Variants in DYNC2H1 observed in about 807,000 individuals in gnomAD.
DYNC2H1 encodes cytoplasmic dynein 2 heavy chain 1.
A neutral mutation model predicts 570.0 loss-of-function variants in DYNC2H1; 410 were observed. The ratio of observed to expected loss-of-function variants is 0.72; its 90% CI spans 0.66 to 0.78. The LOEUF is 0.78. DYNC2H1 is among the 30% of genes least tolerant of loss of function. The pLI, the probability that DYNC2H1 is intolerant of heterozygous loss-of-function variation, is 0.00. For missense variants in DYNC2H1, 4,865 were observed against 5,046.4 expected, an observed-to-expected ratio of 0.96 and a Z score of 1.09; for synonymous variants, 1,688 against 1,677.6, an observed-to-expected ratio of 1.01 and a Z score of -0.15.
At chr11:103,180,841 T>C (rs1420210882) in intron 39 of DYNC2H1, among the ~76,000 whole-genome samples, 1 of 151,582 alleles carries the variant, frequency 6.6e-6, no homozygotes, top group Non-Finnish European at 1.5e-5. Flanking sequence ...TCTAATGTTA[T>C]ATAATTATTA....
At chr11:103,122,720 G>T (rs1412477967) in intron 10 of DYNC2H1, 105 bp from the exon 11 acceptor site, 13 of 965,084 alleles carry the variant, frequency 1.3e-5, no homozygotes, top group Non-Finnish European at 1.8e-5. Flanking sequence ...ATAGATGAAA[G>T]GTAAAATAAT....
rs908493873 is a variant in DYNC2H1 at position 103,277,640 on chromosome 11, A to C, written c.10696-2708A>C. Among the ~76,000 whole-genome samples, 6 of 152,084 alleles carry C rather than the reference A, an allele frequency of 3.9e-5. No individual in the cohort carries two copies. Among genetic ancestry groups the C allele is most frequent in the African/African-American group, 1.4e-4 (6 of 41,408 alleles). On this transcript the variant is annotated intron_variant, in intron 70 of 88. Coordinates refer to ENST00000375735, the MANE Select transcript of DYNC2H1 (RefSeq NM_001377.3). The surrounding 1 kb of genome is among the most constrained non-coding windows in gnomAD (Gnocchi z 4.3). ...GGACCGTGAACCCATCTTCAGTGAT[A>C]CTTTATCTTTTGGAGTTCTTTGAGA...
At chr11:103,147,713 G>A in intron 18 of DYNC2H1, 59 bp from the exon 19 acceptor site, 1 of 977,528 alleles carries the variant, frequency 1.0e-6, no homozygotes, top group East Asian at 2.5e-5. Flanking sequence ...TATTATATGA[G>A]ACTCTTTTCC....
chr11:103,458,444 T>C (rs1162226876), intron 87 of DYNC2H1, among the ~76,000 whole-genome samples: 2 of 152,178 alleles, frequency 1.3e-5, no homozygotes, highest in Admixed American at 1.3e-4. Context: ...GATGTATGAC[T>C]GTATTCCAAA....
chr11:103,180,389 T>C (rs1861799635), intron 39 of DYNC2H1, among the ~76,000 whole-genome samples: 1 of 151,668 alleles, frequency 6.6e-6, no homozygotes. Context: ...TTTATACAAG[T>C]GGAATATAAG....
At chr11:103,158,380 C>CGGAGTTTGCAGT (rs1473060696) in intron 26 of DYNC2H1, among the ~76,000 whole-genome samples, 18 of 152,062 alleles carry the variant, frequency 1.2e-4, no homozygotes, top group African/African-American at 4.1e-4. Flanking sequence ...ACCCAGGAGG[C>CGGAGTTTGCAGT]GGAGTTTGCA....
Position 103,280,025 on chromosome 11 carries a change from A to G in DYNC2H1, c.10696-323A>G, listed in dbSNP as rs1866068113. On this transcript the variant is annotated intron_variant, in intron 70 of 88. Transcript: ENST00000375735. This position sits in a 1 kb window ranked among gnomAD's most constrained non-coding sequence, Gnocchi z 4.7. ...CTAATGCATGGAGTGGATTTGGTGG[A>G]TGATGACTAATCAAATTTCACAACT... Among the ~76,000 whole-genome samples the G allele has an allele frequency of 6.6e-6, 1 of 152,164 alleles. No individual in the cohort carries two copies. Among genetic ancestry groups the G allele is most frequent in the Admixed American group, 6.5e-5 (1 of 15,272 alleles).
intron 60 of DYNC2H1, among the ~76,000 whole-genome samples, 155 bp from the exon 61 acceptor site, chr11:103,233,853 TGTGTGTGTGTGTGTGTGTGTGTGTGG>T (rs1371438808): frequency 4.7e-5 from 5 of 106,446 alleles, no homozygotes; most frequent in Non-Finnish European, 4.2e-5. Context: ...TGTGTGTGTG[TGTGTGTGTGTGTGTGTGTGTGTGTGG>T]GTTTGTCTCT....
intron 82 of DYNC2H1, among the ~76,000 whole-genome samples, chr11:103,351,405 T>G (rs2135510290): frequency 6.6e-6 from 1 of 152,306 alleles, no homozygotes; most frequent in South Asian, 2.1e-4. Flanking sequence ...GGTGGGGAAG[T>G]AGATATCTCT....
chr11:103,156,056 G>A (rs986875219), intron 25 of DYNC2H1, among the ~76,000 whole-genome samples: 19 of 152,048 alleles, frequency 1.2e-4, no homozygotes, highest in African/African-American at 4.3e-4. Context: ...TGGCCTTTTG[G>A]TCTGTAAAAC....
chr11:103,147,699 A>T, intron 18 of DYNC2H1, 73 bp from the exon 19 acceptor site: 1 of 846,942 alleles, frequency 1.2e-6, no homozygotes, highest in East Asian at 2.6e-5. Flanking sequence ...TGAAATCATT[A>T]TAATATTATA....
At chr11:103,311,019 G>A (rs909520071) in intron 78 of DYNC2H1, among the ~76,000 whole-genome samples, 1 of 151,836 alleles carries the variant, frequency 6.6e-6, no homozygotes, top group Non-Finnish European at 1.5e-5. Context: ...AAAGAAGAAG[G>A]TCGTTTTACT....
At position 103,121,146 on chromosome 11, in the gene DYNC2H1, A is replaced by G. The variant is rs146057644; in HGVS notation, c.1360+110A>G. The G allele has an allele frequency of 3.0e-5, 27 of 901,426 alleles. No individual in the cohort carries two copies. In the East Asian group the frequency reaches 6.6e-4, roughly 22 times the overall value. The allele number at this position is 901,426 out of a possible 1,614,324, so 55.8% of individuals were successfully genotyped here. ...AAAGATACATTTTTCTGACATTTTCATGCTGAAGATTAATTTACTTATTCT... is the reference window on the plus strand; with the variant it reads ...AAAGATACATTTTTCTGACATTTTCGTGCTGAAGATTAATTTACTTATTCT... On this transcript the variant is annotated intron_variant, in intron 9 of 88. Coordinates refer to ENST00000375735, the MANE Select transcript of DYNC2H1 (RefSeq NM_001377.3).
At position 103,244,285 on chromosome 11, in the gene DYNC2H1, G is replaced by A. The variant is rs968944807; in HGVS notation, c.9918+494G>A. Among the ~76,000 whole-genome samples, 11 of 151,896 alleles carry A rather than the reference G, an allele frequency of 7.2e-5. No individual in the cohort carries two copies. Among genetic ancestry groups the A allele is most frequent in the African/African-American group, 2.7e-4 (11 of 41,378 alleles). On this transcript the variant is annotated intron_variant, in intron 64 of 88. Coordinates refer to ENST00000375735, the MANE Select transcript of DYNC2H1 (RefSeq NM_001377.3). The surrounding 1 kb of genome is among the most constrained non-coding windows in gnomAD (Gnocchi z 4.3). ...AATTGTTCAGTGAAATATAATCATA[G>A]TCTTTTTGGTAGTGACTTCTCAGTT...
At chr11:103,221,351 T>C (rs1205431622) in intron 57 of DYNC2H1, among the ~76,000 whole-genome samples, 1 of 152,218 alleles carries the variant, frequency 6.6e-6, no homozygotes, top group East Asian at 1.9e-4. Context: ...GTTCCTTTTA[T>C]ATCTGGAGAT....
At chr11:103,284,098 C>A (rs117889574) in intron 73 of DYNC2H1, among the ~76,000 whole-genome samples, 6,475 of 152,206 alleles carry the variant, frequency 0.043, 196 homozygotes, top group Middle Eastern at 0.071. Context: ...TAATCAGATT[C>A]CTCATTCCCC....
chr11:103,116,642 G>A lies in DYNC2H1; in HGVS notation c.694G>A (p.Asp232Asn). The change falls in exon 5 of 89, where the codon GAT (aspartate) becomes AAT (asparagine). Residue 232 changes from aspartate to asparagine, a missense_variant. This residue lies in a region of DYNC2H1 where 1,936 missense variants were observed against 1,962.1 expected (regional missense o/e 0.99). Transcript: ENST00000375735. Reference protein sequence around the residue: ...DLVETTQDVVDDVWRQTEHDH... With the variant: ...DLVETTQDVVNDVWRQTEHDH... Reference sequence around the variant, plus strand: ...GGTGGAGACTACTCAGGATGTTGTAGATGATGTGTGGAGACAAACAGAACA... The same window carrying A: ...GGTGGAGACTACTCAGGATGTTGTAAATGATGTGTGGAGACAAACAGAACA... The A allele has an allele frequency of 1.2e-6, 2 of 1,610,236 alleles. No individual in the cohort carries two copies. Among genetic ancestry groups the A allele is most frequent in the Non-Finnish European group, 1.7e-6 (2 of 1,177,788 alleles).
At chr11:103,452,124 T>G (rs1378895249) in intron 85 of DYNC2H1, among the ~76,000 whole-genome samples, 1 of 152,118 alleles carries the variant, frequency 6.6e-6, no homozygotes, top group Non-Finnish European at 1.5e-5. Context: ...AGATTGAATT[T>G]TTTTCCAAAA....
chr11:103,364,747 G>A (rs374091817), intron 83 of DYNC2H1, among the ~76,000 whole-genome samples: 6 of 152,010 alleles, frequency 3.9e-5, no homozygotes, highest in African/African-American at 1.4e-4. Context: ...TGTCTTATAT[G>A]ACAGGACTTT....
Sources: allele counts gnomAD v4.1 joint callset (sites outside exome capture counted in the v4.1 genomes callset), GRCh38; gene constraint gnomAD v4.1.1; regional missense constraint gnomAD v4.1.1; non-coding constraint Gnocchi (gnomAD v3.1); transcripts MANE v1.5; gene names NCBI Gene and HGNC (gene_info 2026-07-23, HGNC 2026-07-21).